DHX29: variants seen among roughly 807,000 people sequenced by gnomAD.
DHX29 encodes ATP-dependent RNA helicase DHX29.
In DHX29, 79 loss-of-function variants were observed where a neutral mutation model predicts 167.9. The observed-to-expected ratio is 0.47, with a 90% confidence interval of 0.39 to 0.57. The LOEUF (loss-of-function observed/expected upper bound fraction) is 0.57. Among genes scored for constraint, DHX29 ranks in the 20% least tolerant of loss-of-function variants. The probability of loss-of-function intolerance (pLI) is 0.00; values close to 1 mark genes in which losing one functional copy is unlikely to be tolerated. For synonymous variants in DHX29, 530 were observed against 546.0 expected, an observed-to-expected ratio of 0.97 and a Z score of 0.41; for missense variants, 1,347 against 1,593.4, an observed-to-expected ratio of 0.85 and a Z score of 2.63.
rs1487474785 is a variant in DHX29 at position 55,295,452 on chromosome 5, G to C, written c.578C>G (p.Pro193Arg). Reference protein sequence around the residue: ...QPKSRPKFQSPQIQATISPPL... With the variant: ...QPKSRPKFQSRQIQATISPPL... ...AGGTGAAATAGTGGCTTGTATTTGA[G>C]GAGACTGAAATTTAGGCCTACTTTT... Residue 193 changes from proline to arginine, a missense_variant, in exon 5 of 27, where the codon CCT becomes CGT. Physicochemically the swap from Pro to Arg is moderately radical, Grantham distance 103 (BLOSUM62 -2). Coordinates refer to ENST00000251636, the MANE Select transcript of DHX29 (RefSeq NM_019030.4). 6.2e-7 allele frequency: 1 copy of C among 1,613,598 alleles called. No homozygotes were observed. The highest frequency in any genetic ancestry group is 2.2e-5 in the East Asian group (1 of 44,860).
chr5:55,295,238 A>G (rs1748253848), intron 5 of DHX29, 141 bp downstream of exon 5: 3 of 665,316 alleles, frequency 4.5e-6, no homozygotes, highest in Middle Eastern at 4.1e-4. Flanking sequence ...AAAACAAGCA[A>G]TGATAGAAAA....
At chr5:55,296,187 T>C in intron 4 of DHX29, 33 bp downstream of exon 4, 1 of 1,579,576 alleles carries the variant, frequency 6.3e-7, no homozygotes, top group Non-Finnish European at 8.6e-7. Flanking sequence ...TCAAAAGGTT[T>C]AGAAACTGAA....
chr5:55,260,527 G>GGCCTGGGGTGTAACATTTTTTAAAACA (rs70992714), intron 25 of DHX29, among the ~76,000 whole-genome samples: 9,096 of 151,748 alleles, frequency 0.06, 496 homozygotes, highest in Admixed American at 0.12. Flanking sequence ...CATGGCACCC[G>GGCCTGGGGTGTAACATTTTTTAAAACA]GCTTTATTGA....
chr5:55,284,184 T>C (rs1747595143), intron 10 of DHX29, among the ~76,000 whole-genome samples: 2 of 152,200 alleles, frequency 1.3e-5, no homozygotes, highest in Admixed American at 6.5e-5. Flanking sequence ...ACCTCCCTTA[T>C]AGGCATATTC....
chr5:55,302,791 G>T (rs1348400478), intron 1 of DHX29, among the ~76,000 whole-genome samples: 2 of 152,048 alleles, frequency 1.3e-5, no homozygotes, highest in Non-Finnish European at 2.9e-5. Context: ...AGAAATCAAG[G>T]AATCCTGCTC....
At chr5:55,264,969 T>C (rs1297144148) in intron 23 of DHX29, among the ~76,000 whole-genome samples, 2 of 152,134 alleles carry the variant, frequency 1.3e-5, no homozygotes, top group East Asian at 1.9e-4. Context: ...CCGAGTGTTA[T>C]CAATGGCTGC....
intron 1 of DHX29, among the ~76,000 whole-genome samples, chr5:55,301,902 GGT>G (rs1491242612): frequency 6.7e-4 from 102 of 152,068 alleles, no homozygotes; most frequent in African/African-American, 2.4e-3. Flanking sequence ...ATTTTAAGAT[GGT>G]AGCTAATATA....
intron 23 of DHX29, among the ~76,000 whole-genome samples, chr5:55,265,857 C>T (rs7708099): frequency 0.059 from 8,974 of 152,180 alleles, 469 homozygotes; most frequent in African/African-American, 0.12. Flanking sequence ...AGATTGACCA[C>T]AGGTTGGTAA....
intron 7 of DHX29, 137 bp downstream of exon 7, chr5:55,290,081 T>C: frequency 9.7e-7 from 1 of 1,033,086 alleles, no homozygotes; most frequent in Non-Finnish European, 1.4e-6. Context: ...CTACTTATTA[T>C]TTTAAAAGTT....
At chr5:55,296,584 A>G (rs1748333368) in intron 3 of DHX29, among the ~76,000 whole-genome samples, 1 of 152,192 alleles carries the variant, frequency 6.6e-6, no homozygotes, top group Admixed American at 6.5e-5. Context: ...AAAGATACTA[A>G]ATGTAGTACA....
chr5:55,264,961 G>A (rs569475802), intron 23 of DHX29, among the ~76,000 whole-genome samples: 6 of 152,164 alleles, frequency 3.9e-5, no homozygotes, highest in South Asian at 4.2e-4. Context: ...CAATAGGTCC[G>A]AGTGTTATCA....
rs61730834 is a variant in DHX29 at position 55,285,310 on chromosome 5, G to A, written c.1339C>T (p.Arg447Cys). Reference sequence around the variant, plus strand: ...AGTCTTACCTGCCCTTTAACTAAACGGTAAAGGGCTAAAGTAGCTCCCAGG... The same window carrying A: ...AGTCTTACCTGCCCTTTAACTAAACAGTAAAGGGCTAAAGTAGCTCCCAGG... Reference protein sequence around the residue: ...QHLGATLALYRLVKGQSVHQL... With the variant: ...QHLGATLALYCLVKGQSVHQL... Residue 447 changes from arginine (R) to cysteine (C), a missense_variant, in exon 10 of 27, where the codon CGT becomes TGT. Physicochemically the swap from Arg to Cys is radical, Grantham distance 180 (BLOSUM62 -3). Coordinates refer to ENST00000251636, the MANE Select transcript of DHX29 (RefSeq NM_019030.4). 6.6e-5 allele frequency: 106 copies of A among 1,613,938 alleles called. No individual in the cohort carries two copies. In the African/African-American group the frequency reaches 8.8e-4, roughly 13 times the overall value.
chr5:55,294,082 G>C lies in DHX29; in HGVS notation c.715C>G (p.Gln239Glu), dbSNP rs1180583514. Residue 239 changes from glutamine to glutamate, a missense_variant, in exon 6 of 27, where the codon CAA becomes GAA. This residue lies in a region of DHX29 where 405 missense variants were observed against 416.8 expected (regional missense o/e 0.97). Transcript: ENST00000251636. The stretch of plus-strand genomic sequence containing the variant: ...TCATTCTTTTCTTCTTCATTTTGTT[G>C]TTCAGCATATCGTAAAATCCACTCT... ...MKEWILRYAE[Q>E]QNEEEKNENS... 1.4e-5 allele frequency: 22 copies of C among 1,606,118 alleles called. No individual in the cohort carries two copies. The highest frequency in any genetic ancestry group is 1.8e-5 in the Non-Finnish European group (21 of 1,176,796).
rs369374175 is a variant in DHX29, at chr5:55,283,395, C to T, written c.1773G>A (p.Val591=). The T allele has an allele frequency of 3.1e-6, 5 of 1,614,072 alleles. No individual in the cohort carries two copies. The African/African-American group carries it at 5.3e-5, about 17-fold the overall frequency. Residue 591 remains valine, a synonymous_variant, in exon 11 of 27, where the codon GTG becomes GTA. Coordinates refer to ENST00000251636, the MANE Select transcript of DHX29 (RefSeq NM_019030.4). Reference sequence around the variant, plus strand: ...CACTCCCTGTTTCACCTGCCACAACCACTACCCGATGCCTTTTAAGAGTTT... The same window carrying T: ...CACTCCCTGTTTCACCTGCCACAACTACTACCCGATGCCTTTTAAGAGTTT... The part of the protein sequence containing the change: ...IVETLKRHRV[V]VVAGETGSGK...
intron 6 of DHX29, among the ~76,000 whole-genome samples, chr5:55,292,148 C>T (rs1199759982): frequency 6.6e-6 from 1 of 152,196 alleles, no homozygotes; most frequent in Non-Finnish European, 1.5e-5. Context: ...CAACAGTACA[C>T]AGGGTTCCAA....
chr5:55,303,331 G>A (rs1247433977), intron 1 of DHX29, among the ~76,000 whole-genome samples: 1 of 152,156 alleles, frequency 6.6e-6, no homozygotes, highest in African/African-American at 2.4e-5. Flanking sequence ...AGGGACTCTG[G>A]TGGTAAACAG....
intron 18 of DHX29, among the ~76,000 whole-genome samples, chr5:55,271,488 C>T (rs1056822502): frequency 1.3e-5 from 2 of 152,138 alleles, no homozygotes; most frequent in African/African-American, 2.4e-5. Context: ...AAAACATTAG[C>T]CGAGTGTGGT....
chr5:55,259,992 T>C (rs769384063), intron 25 of DHX29, 48 bp from the exon 26 acceptor site: 2 of 1,101,894 alleles, frequency 1.8e-6, no homozygotes, highest in East Asian at 2.4e-5. Flanking sequence ...CAGGGCAGTG[T>C]GAATGTGTTT....
At chr5:55,281,348 A>T in intron 12 of DHX29, 24 bp downstream of exon 12, 1 of 1,480,510 alleles carries the variant, frequency 6.8e-7, no homozygotes, top group Non-Finnish European at 9.0e-7. Context: ...CAAATTTTTG[A>T]ATACAACTAT....
Sources: gnomAD v4.1 joint callset for allele counts (sites outside exome capture counted in the v4.1 genomes callset) on GRCh38, gnomAD v4.1.1 for gene constraint, gnomAD v4.1.1 regional missense constraint, MANE v1.5 for transcripts, NCBI Gene and HGNC (gene_info 2026-07-23, HGNC 2026-07-21) for gene names.